NXPH2: variants seen among roughly 807,000 people sequenced by gnomAD.
NXPH2 encodes neurexophilin 2.
In NXPH2, 5 loss-of-function variants were observed where a neutral mutation model predicts 19.8. The observed-to-expected ratio is 0.25, with a 90% CI of 0.13 to 0.53. The LOEUF is 0.53. Ranked by LOEUF, NXPH2 falls within the 20% of genes least tolerant of loss-of-function variation. The probability of loss-of-function intolerance (pLI) is 0.96; values close to 1 mark genes in which losing one functional copy is unlikely to be tolerated. For missense variants in NXPH2, 289 were observed against 322.8 expected, an observed-to-expected ratio of 0.90 and a Z score of 0.80; for synonymous variants, 154 against 127.4, an observed-to-expected ratio of 1.21 and a Z score of -1.41.
chr2:138,766,587 G>A (rs1682096874), intron 1 of NXPH2, among the ~76,000 whole-genome samples: 1 of 152,118 alleles, frequency 6.6e-6, no homozygotes, highest in Admixed American at 6.5e-5. Flanking sequence ...GGTACACCCT[G>A]CCCTACAGCA....
At chr2:138,768,105 A>G (rs1013394394) in intron 1 of NXPH2, among the ~76,000 whole-genome samples, 6 of 152,166 alleles carry the variant, frequency 3.9e-5, no homozygotes, top group African/African-American at 7.2e-5. Context: ...TTCAGGATAC[A>G]ATATCTTTTT....
intron 1 of NXPH2, among the ~76,000 whole-genome samples, chr2:138,750,900 T>C (rs1220382549): frequency 6.6e-6 from 1 of 152,072 alleles, no homozygotes; most frequent in East Asian, 1.9e-4. Context: ...TTGGATCTTG[T>C]TCGGATGTTT....
intron 1 of NXPH2, among the ~76,000 whole-genome samples, chr2:138,736,337 C>T (rs568216928): frequency 6.6e-6 from 1 of 152,344 alleles, no homozygotes; most frequent in East Asian, 1.9e-4. Context: ...CAGAGGTTTC[C>T]AAACCTCAAT....
chr2:138,721,791 A>C (rs935866002), intron 1 of NXPH2, among the ~76,000 whole-genome samples: 10 of 152,230 alleles, frequency 6.6e-5, no homozygotes, highest in African/African-American at 2.4e-4. Context: ...TAAAGCTTTA[A>C]ACTTCCCCAG....
intron 1 of NXPH2, among the ~76,000 whole-genome samples, chr2:138,710,616 T>C (rs1681090983): frequency 6.6e-6 from 1 of 152,194 alleles, no homozygotes; most frequent in Admixed American, 6.5e-5. Context: ...ACCTGGCCTA[T>C]TGATTAGCTG....
intron 1 of NXPH2, among the ~76,000 whole-genome samples, chr2:138,673,816 T>A (rs1192277515): frequency 6.6e-6 from 1 of 151,836 alleles, no homozygotes; most frequent in Non-Finnish European, 1.5e-5. Flanking sequence ...TTTGTACTCA[T>A]CCATCAATCT....
intron 1 of NXPH2, among the ~76,000 whole-genome samples, chr2:138,745,501 G>A (rs1262604209): frequency 2.0e-5 from 3 of 148,246 alleles, no homozygotes; most frequent in East Asian, 2.0e-4. Context: ...GGCGGGGGGG[G>A]GGGGGTGTTG....
chr2:138,706,554 G>A (rs555466999), intron 1 of NXPH2, among the ~76,000 whole-genome samples: 6 of 152,064 alleles, frequency 3.9e-5, no homozygotes, highest in Admixed American at 1.3e-4. Flanking sequence ...TTTTAATTAC[G>A]TAACTTAATA....
chr2:138,757,537 T>C (rs1681930648), intron 1 of NXPH2, among the ~76,000 whole-genome samples: 1 of 152,124 alleles, frequency 6.6e-6, no homozygotes, highest in South Asian at 2.1e-4. Flanking sequence ...CTGTCCGTCC[T>C]TGTGGCATTC....
At chr2:138,740,191 A>G (rs1372153778) in intron 1 of NXPH2, among the ~76,000 whole-genome samples, 1 of 152,206 alleles carries the variant, frequency 6.6e-6, no homozygotes, top group East Asian at 1.9e-4. Context: ...GGAGTAGAAA[A>G]GGGTGAGGCT....
chr2:138,701,286 G>A (rs557565388), intron 1 of NXPH2, among the ~76,000 whole-genome samples: 1 of 152,278 alleles, frequency 6.6e-6, no homozygotes, highest in South Asian at 2.1e-4. Flanking sequence ...CCTAGGGAAT[G>A]CCCATTGGTT....
chr2:138,739,786 G>T (rs1248858539), intron 1 of NXPH2, among the ~76,000 whole-genome samples: 4 of 152,124 alleles, frequency 2.6e-5, no homozygotes, highest in African/African-American at 7.2e-5. Context: ...ATGAAGTAAG[G>T]TCTGTATGGT....
chr2:138,779,139 C>T (rs1312362814), intron 1 of NXPH2, among the ~76,000 whole-genome samples: 1 of 152,196 alleles, frequency 6.6e-6, no homozygotes, highest in African/African-American at 2.4e-5. Context: ...AGAGAAGAGA[C>T]TGTCATCTTC....
chr2:138,702,795 T>G (rs1167798857), intron 1 of NXPH2, among the ~76,000 whole-genome samples: 1 of 151,892 alleles, frequency 6.6e-6, no homozygotes, highest in East Asian at 1.9e-4. Flanking sequence ...CAACAAAAAG[T>G]GAAAGATTTT....
intron 1 of NXPH2, among the ~76,000 whole-genome samples, chr2:138,760,440 T>C (rs1259805222): frequency 6.6e-6 from 1 of 152,180 alleles, no homozygotes; most frequent in Non-Finnish European, 1.5e-5. Flanking sequence ...AAGATATATA[T>C]AGAACAGAGA....
chr2:138,761,238 C>T (rs916488296), intron 1 of NXPH2, among the ~76,000 whole-genome samples: 2 of 152,132 alleles, frequency 1.3e-5, no homozygotes, highest in African/African-American at 4.8e-5. Flanking sequence ...ATTCTTTCAC[C>T]AGCGCATTCT....
At chr2:138,685,671 C>T (rs962090545) in intron 1 of NXPH2, among the ~76,000 whole-genome samples, 18 of 152,142 alleles carry the variant, frequency 1.2e-4, no homozygotes, top group African/African-American at 4.3e-4. Flanking sequence ...TGTTGAATAT[C>T]TTATGTAATT....
At chr2:138,703,220 T>C (rs1336577065) in intron 1 of NXPH2, among the ~76,000 whole-genome samples, 2 of 152,184 alleles carry the variant, frequency 1.3e-5, no homozygotes, top group African/African-American at 4.8e-5. Flanking sequence ...CAAGATTTCC[T>C]GTAGATATGG....
At chr2:138,748,897 T>C (rs941485850) in intron 1 of NXPH2, among the ~76,000 whole-genome samples, 9 of 152,164 alleles carry the variant, frequency 5.9e-5, no homozygotes, top group Non-Finnish European at 1.3e-4. Flanking sequence ...GATTATATAA[T>C]AAAAAGAATC....
Sources: allele counts gnomAD v4.1 joint callset (sites outside exome capture counted in the v4.1 genomes callset), GRCh38; gene constraint gnomAD v4.1.1; transcripts MANE v1.5; gene names NCBI Gene and HGNC (gene_info 2026-07-23, HGNC 2026-07-21).